The following FAM107B variants were observed in gnomAD, a reference collection of about 807,000 sequenced individuals.
FAM107B encodes the protein protein FAM107B.
FAM107B carries 21 observed loss-of-function variants against 31.5 expected under a neutral mutation model. That is an observed-to-expected ratio of 0.67 (90% CI 0.47 to 0.96). FAM107B has a LOEUF of 0.96. FAM107B is among the 40% of genes least tolerant of loss of function. FAM107B has a pLI of 0.00. For synonymous variants in FAM107B, 157 were observed against 141.5 expected, an observed-to-expected ratio of 1.11 and a Z score of -0.78; for missense variants, 452 against 377.1, an observed-to-expected ratio of 1.20 and a Z score of -1.64.
chr10:14,646,834 C>G (rs1193282627), intron 2 of FAM107B, among the ~76,000 whole-genome samples: 2 of 128,308 alleles, frequency 1.6e-5, no homozygotes, highest in Non-Finnish European at 3.2e-5. Flanking sequence ...CACTCTGTCA[C>G]CCAGGCTGGA....
rs184282428 is a variant in FAM107B at position 14,754,328 on chromosome 10, G to T, written c.411+19925C>A. On this transcript the variant is annotated intron_variant, in intron 1 of 4. Transcript: ENST00000181796. The stretch of plus-strand genomic sequence containing the variant: ...GTGGAGCCTCTTCTGAGTCCACGGT[G>T]CCCCTGTCCTGCTGAATGGCAATGT... Among the ~76,000 whole-genome samples, 1,034 of 152,282 alleles carry T rather than the reference G, an allele frequency of 6.8e-3. 13 individuals are homozygous for T. Among genetic ancestry groups the T allele is most frequent in the African/African-American group, 0.024 (996 of 41,552 alleles).
At chr10:14,763,590 A>G (rs1432462994) in intron 1 of FAM107B, among the ~76,000 whole-genome samples, 1 of 152,196 alleles carries the variant, frequency 6.6e-6, no homozygotes, top group East Asian at 1.9e-4. Flanking sequence ...CCAGGTCAGA[A>G]GGGTTCCGGC....
At chr10:14,570,233 G>GGTGGGTGGGTGTGTGTGT (rs768204428) in intron 2 of FAM107B, among the ~76,000 whole-genome samples, 5 of 140,426 alleles carry the variant, frequency 3.6e-5, no homozygotes, top group South Asian at 2.2e-4. Context: ...AAATGTGGTG[G>GGTGGGTGGGTGTGTGTGT]GTGTGTGTGT....
At chr10:14,565,959 A>T (rs1208329245) in intron 2 of FAM107B, among the ~76,000 whole-genome samples, 1 of 152,230 alleles carries the variant, frequency 6.6e-6, no homozygotes, top group Non-Finnish European at 1.5e-5. Flanking sequence ...TGGAACTCGC[A>T]GCAGGGCGGA....
chr10:14,645,236 C>G (rs982794187), intron 2 of FAM107B, among the ~76,000 whole-genome samples: 3 of 152,096 alleles, frequency 2.0e-5, no homozygotes, highest in Non-Finnish European at 4.4e-5. Flanking sequence ...TCCTTTCTGC[C>G]CAAGGGTGCA....
At chr10:14,690,460 T>A (rs36095870) in intron 1 of FAM107B, among the ~76,000 whole-genome samples, 64,322 of 151,810 alleles carry the variant, frequency 0.42, 13,963 homozygotes, top group African/African-American at 0.51. Flanking sequence ...TTTTTTATTT[T>A]TTTATTTTTT....
chr10:14,597,041 T>C (rs1013276741), intron 2 of FAM107B, among the ~76,000 whole-genome samples: 1 of 152,180 alleles, frequency 6.6e-6, no homozygotes, highest in African/African-American at 2.4e-5. Context: ...GGCCTCTCTC[T>C]TTCCGATACA....
intron 2 of FAM107B, among the ~76,000 whole-genome samples, chr10:14,586,976 C>G (rs2131326392): frequency 6.6e-6 from 1 of 152,290 alleles, no homozygotes; most frequent in Non-Finnish European, 1.5e-5. Context: ...TCATTGAGTC[C>G]TATGAGAATG....
At chr10:14,667,754 G>T (rs1340644103) in intron 1 of FAM107B, 63 bp from the exon 2 acceptor site, 6 of 1,553,424 alleles carry the variant, frequency 3.9e-6, no homozygotes, top group Non-Finnish European at 5.3e-6. Flanking sequence ...TTAATGTAAG[G>T]CAATACTTTT....
chr10:14,746,937 G>A (rs148572136), intron 1 of FAM107B, among the ~76,000 whole-genome samples: 508 of 152,270 alleles, frequency 3.3e-3, no homozygotes, highest in African/African-American at 0.011. Context: ...CCAGTCAGTC[G>A]TAGGTTTGGT....
At chr10:14,651,991 G>A (rs1218231738) in intron 2 of FAM107B, among the ~76,000 whole-genome samples, 3 of 152,170 alleles carry the variant, frequency 2.0e-5, no homozygotes, top group African/African-American at 2.4e-5. Context: ...TGACCTTGAA[G>A]CTTGAAGCCA....
At chr10:14,570,616 A>G (rs532907219) in intron 2 of FAM107B, among the ~76,000 whole-genome samples, 7 of 152,274 alleles carry the variant, frequency 4.6e-5, no homozygotes, top group African/African-American at 1.7e-4. Context: ...AGCCTGGCCA[A>G]CATGGTGAAA....
intron 2 of FAM107B, among the ~76,000 whole-genome samples, chr10:14,651,555 T>C (rs1853900042): frequency 6.6e-6 from 1 of 152,114 alleles, no homozygotes; most frequent in Non-Finnish European, 1.5e-5. Flanking sequence ...TGAGCTGGGA[T>C]CGCGCCATTG....
At chr10:14,748,691 G>A (rs888186162) in intron 1 of FAM107B, among the ~76,000 whole-genome samples, 3 of 152,208 alleles carry the variant, frequency 2.0e-5, no homozygotes, top group African/African-American at 2.4e-5. Flanking sequence ...GCAGCAGAGC[G>A]GTCACCAGGC....
At chr10:14,716,074 A>G (rs1039653954) in intron 1 of FAM107B, among the ~76,000 whole-genome samples, 13 of 152,244 alleles carry the variant, frequency 8.5e-5, no homozygotes, top group African/African-American at 3.1e-4. Context: ...ACTGGCATCC[A>G]GGGTATATAG....
chr10:14,703,860 T>G (rs1036534687), intron 1 of FAM107B, among the ~76,000 whole-genome samples: 2 of 152,224 alleles, frequency 1.3e-5, no homozygotes, highest in African/African-American at 4.8e-5. Flanking sequence ...CATAATAAAC[T>G]GCAATTTCTG....
At chr10:14,696,017 C>T (rs991311291) in intron 1 of FAM107B, among the ~76,000 whole-genome samples, 1 of 152,134 alleles carries the variant, frequency 6.6e-6, no homozygotes, top group African/African-American at 2.4e-5. Context: ...AGTACCGTGT[C>T]AAATAGAAGA....
chr10:14,572,505 T>G (rs570505736), intron 2 of FAM107B: 1 of 595,174 alleles, frequency 1.7e-6, no homozygotes, highest in Non-Finnish European at 2.1e-6. Context: ...CTGGGATTCA[T>G]GGCATCACAG....
At position 14,774,747 on chromosome 10, in the gene FAM107B, A is replaced by G. The variant is rs767415539; in HGVS notation, c.-84T>C. ...CATCACCTCCACTTTGCTTATAGGA[A>G]CTCTTTCCAATTGCCCGAAGAGAAG... On this transcript the variant is annotated 5_prime_UTR_variant, in exon 1 of 5. Coordinates refer to ENST00000181796, the MANE Select transcript of FAM107B (RefSeq NM_031453.4). 8 of 1,426,794 alleles carry G rather than the reference A, an allele frequency of 5.6e-6. No homozygotes were observed. The highest frequency in any genetic ancestry group is 7.6e-6 in the Non-Finnish European group (8 of 1,049,916). The allele number at this position is 1,426,794 out of a possible 1,614,324, so 88.4% of individuals were successfully genotyped here. A position where few individuals can be genotyped will look rare whatever the true frequency, so the allele number is the denominator to read the frequency against.
Sources: gnomAD v4.1 joint callset for allele counts (sites outside exome capture counted in the v4.1 genomes callset) on GRCh38, gnomAD v4.1.1 for gene constraint, MANE v1.5 for transcripts, NCBI Gene and HGNC (gene_info 2026-07-23, HGNC 2026-07-21) for gene names.